CLEC4F: variants seen among roughly 807,000 people sequenced by gnomAD.
The protein encoded by CLEC4F is C-type (calcium dependent, carbohydrate-recognition domain) lectin, superfamily member 13.
CLEC4F carries 45 observed loss-of-function variants against 53.4 expected under a neutral mutation model. That is an observed-to-expected ratio of 0.84 (90% CI 0.66 to 1.08). The LOEUF (loss-of-function observed/expected upper bound fraction) is 1.08. Ranked by LOEUF, CLEC4F falls within the 50% of genes least tolerant of loss-of-function variation. The pLI, the probability that CLEC4F is intolerant of heterozygous loss-of-function variation, is 0.00. For synonymous variants in CLEC4F, 245 were observed against 257.5 expected (o/e 0.95, Z 0.46); for missense variants, 753 against 698.2 (o/e 1.08, Z -0.88).
At chr2:70,813,835 C>A (rs1251049549) in intron 4 of CLEC4F, among the ~76,000 whole-genome samples, 1 of 151,914 alleles carries the variant, frequency 6.6e-6, no homozygotes, top group Non-Finnish European at 1.5e-5. Flanking sequence ...CGCCACCATG[C>A]CCGGATATTT....
intron 4 of CLEC4F, among the ~76,000 whole-genome samples, chr2:70,813,511 T>TTTC (rs1676679716): frequency 1.4e-5 from 2 of 144,732 alleles, no homozygotes. Context: ...TCTTTCTTTC[T>TTTC]TTTCTTTCTT....
chr2:70,813,623 CTTTCT>C (rs1467745851), intron 4 of CLEC4F, among the ~76,000 whole-genome samples: 7 of 113,822 alleles, frequency 6.1e-5, no homozygotes, highest in African/African-American at 1.9e-4. Context: ...TTCTTTCTTT[CTTTCT>C]TTCTTTCTTT....
At chr2:70,813,622 T>TCTTTCTTTCTTC (rs1676726967) in intron 4 of CLEC4F, among the ~76,000 whole-genome samples, 4 of 147,234 alleles carry the variant, frequency 2.7e-5, no homozygotes, top group African/African-American at 1.0e-4. Flanking sequence ...TTTCTTTCTT[T>TCTTTCTTTCTTC]CTTTCTTTCT....
chr2:70,817,213 G>T, intron 3 of CLEC4F, 101 bp from the exon 4 acceptor site: 6 of 1,242,464 alleles, frequency 4.8e-6, no homozygotes, highest in Non-Finnish European at 6.6e-6. Flanking sequence ...AGGGAAATGG[G>T]TACTGCACAG....
Position 70,816,186 on chromosome 2 carries a change from T to C in CLEC4F, c.1195A>G (p.Asn399Asp). Residue 399 changes from asparagine to aspartate, a missense_variant, in exon 4 of 7, where the codon AAT (asparagine) becomes GAT (aspartate). Coordinates refer to ENST00000272367, the MANE Select transcript of CLEC4F (RefSeq NM_173535.3). ...EIQTLKQGMK[N>D]ASALTSQTQM... is the part of the protein sequence containing the mutation. ...GTCTGGGAAGTTAAGGCTGAAGCAT[T>C]CTTCATTCCTTGTTTTAGGGTCTGT... is the stretch of plus-strand genomic sequence containing the variant. 6.2e-7 allele frequency: 1 copy of C among 1,614,250 alleles called. No homozygotes were observed. Among genetic ancestry groups the C allele is most frequent in the Non-Finnish European group, 8.5e-7 (1 of 1,180,042 alleles).
Position 70,817,102 on chromosome 2 carries a change from G to A in CLEC4F, c.279C>T (p.His93=). The A allele has an allele frequency of 1.2e-6, 2 of 1,607,670 alleles. No homozygotes were observed. Among genetic ancestry groups the A allele is most frequent in the South Asian group, 1.1e-5 (1 of 90,998 alleles). ...HLPFEPNNHH[H]FGREAEMREL... is the part of the protein sequence containing the mutation. Reference sequence around the variant, plus strand: ...CTCGCATTTCTGCCTCCCTGCCAAAGTGGTGATGATCTGGAGGGAGGAAGT... The same window carrying A: ...CTCGCATTTCTGCCTCCCTGCCAAAATGGTGATGATCTGGAGGGAGGAAGT... Residue 93 remains histidine, a synonymous_variant, in exon 4 of 7, where the codon CAC becomes CAT. Coordinates refer to ENST00000272367, the MANE Select transcript of CLEC4F (RefSeq NM_173535.3).
chr2:70,812,701 G>T, intron 4 of CLEC4F, 103 bp from the exon 5 acceptor site: 1 of 1,214,006 alleles, frequency 8.2e-7, no homozygotes. Context: ...AGGTTCACAA[G>T]CCCATGAAAT....
At position 70,809,324 on chromosome 2, in the gene CLEC4F, C is replaced by T; in HGVS notation, c.1717G>A (p.Gly573Arg). Residue 573 changes from glycine to arginine, a missense_variant, in exon 7 of 7, where the codon GGA becomes AGA. By Grantham distance (125) the Gly-to-Arg change is moderately radical. Coordinates refer to ENST00000272367, the MANE Select transcript of CLEC4F (RefSeq NM_173535.3). ...GGGGTGTCTATGAAGCTGCAAGCTC[C>T]CATCCCAGAATTCACAATAATATAC... ...RKYIIVNSGM[G>R]ACSFIDTPPC... 6.2e-7 allele frequency: 1 copy of T among 1,613,912 alleles called. No homozygotes were observed. Among genetic ancestry groups the T allele is most frequent in the Non-Finnish European group, 8.5e-7 (1 of 1,179,972 alleles).
intron 3 of CLEC4F, among the ~76,000 whole-genome samples, chr2:70,817,483 A>G (rs142082864): frequency 1.3e-4 from 20 of 152,290 alleles, no homozygotes; most frequent in African/African-American, 4.8e-4. Flanking sequence ...TTGAAGTTTA[A>G]TTTTACTGGA....
chr2:70,812,889 G>C (rs1472458863), intron 4 of CLEC4F, among the ~76,000 whole-genome samples: 3 of 152,140 alleles, frequency 2.0e-5, no homozygotes, highest in African/African-American at 2.4e-5. Flanking sequence ...CCAACTCATT[G>C]CTATCACCTG....
At chr2:70,822,372 C>G (rs1677248327), upstream of CLEC4F, among the ~76,000 whole-genome samples, 1 of 152,204 alleles carries the variant, frequency 6.6e-6, no homozygotes, top group Admixed American at 6.5e-5. Flanking sequence ...TCCAAAGAAT[C>G]TGATGGAGCA....
At position 70,815,999 on chromosome 2, in the gene CLEC4F, G is replaced by A. The variant is rs1676877535; in HGVS notation, c.1382C>T (p.Thr461Ile). ...VITSQEQLQRTQSQLLQMVLQ... is the reference protein window; with the variant it reads ...VITSQEQLQRIQSQLLQMVLQ... ...GACTCCCCTCTCCCACTTACTTTGG[G>A]TTCTTTGTAGCTGTTCCTGTGAAGT... Residue 461 changes from threonine to isoleucine, a missense_variant, in exon 4 of 7, where the codon ACC becomes ATC. Coordinates refer to ENST00000272367, the MANE Select transcript of CLEC4F (RefSeq NM_173535.3). 1 of 1,611,592 alleles carries A rather than the reference G, an allele frequency of 6.2e-7. No individual in the cohort carries two copies. The highest frequency in any genetic ancestry group is 1.1e-5 in the South Asian group (1 of 90,788).
chr2:70,821,062 G>A (rs185590300), upstream of CLEC4F, among the ~76,000 whole-genome samples: 9 of 152,266 alleles, frequency 5.9e-5, no homozygotes, highest in Admixed American at 6.5e-5. Flanking sequence ...GAGGATGTGC[G>A]GAGGTTATAT....
At position 70,816,360 on chromosome 2, in the gene CLEC4F, C is replaced by T. The variant is rs1553395904; in HGVS notation, c.1021G>A (p.Val341Ile). The T allele has an allele frequency of 1.1e-5, 17 of 1,613,916 alleles. No individual in the cohort carries two copies. The highest frequency in any genetic ancestry group is 1.7e-5 in the Admixed American group (1 of 59,958). ...IHVLKRDLKMVTAQTQKANGR... is the reference protein window; with the variant it reads ...IHVLKRDLKMITAQTQKANGR... ...TTTGCTTTTTGGGTCTGGGCTGTGA[C>T]CATTTTCAAATCCCTTTTTAACACG... The change falls in exon 4 of 7, where the codon GTC becomes ATC. Residue 341 changes from valine (V) to isoleucine (I), a missense_variant. Physicochemically the swap from Val to Ile is conservative, Grantham distance 29 (BLOSUM62 3). Coordinates refer to ENST00000272367, the MANE Select transcript of CLEC4F (RefSeq NM_173535.3).
intron 4 of CLEC4F, among the ~76,000 whole-genome samples, chr2:70,815,276 A>G (rs1471278742): frequency 6.6e-6 from 1 of 152,148 alleles, no homozygotes; most frequent in Non-Finnish European, 1.5e-5. Context: ...GAAGTTCAAG[A>G]GCCATCTTCT....
chr2:70,819,526 TC>T, intron 2 of CLEC4F, 82 bp from the exon 3 acceptor site: 2 of 1,335,494 alleles, frequency 1.5e-6, no homozygotes, highest in East Asian at 2.3e-5. Context: ...GAGGTAGAGT[TC>T]CAGAACCGGG....
intron 5 of CLEC4F, chr2:70,811,044 GC>G: frequency 1.5e-6 from 1 of 645,482 alleles, no homozygotes; most frequent in Non-Finnish European, 2.9e-6. Context: ...TGCTAACCCT[GC>G]TGGGAAAATA....
At chr2:70,819,933 G>A (rs782115589) in intron 1 of CLEC4F, 42 bp from the exon 2 acceptor site, 5 of 1,392,064 alleles carry the variant, frequency 3.6e-6, no homozygotes, top group African/African-American at 1.4e-5. Flanking sequence ...AGGGTGCTGT[G>A]CAAGGTAAGA....
intron 4 of CLEC4F, among the ~76,000 whole-genome samples, chr2:70,815,405 A>G (rs1342550974): frequency 1.3e-5 from 2 of 151,786 alleles, no homozygotes; most frequent in South Asian, 4.2e-4. Flanking sequence ...CTAACCTATC[A>G]GCCTTATACC....
Sources: allele counts gnomAD v4.1 joint callset (sites outside exome capture counted in the v4.1 genomes callset), GRCh38; gene constraint gnomAD v4.1.1; transcripts MANE v1.5; gene names NCBI Gene and HGNC (gene_info 2026-07-23, HGNC 2026-07-21).